NBEA: variants seen among roughly 807,000 people sequenced by gnomAD.
The protein encoded by NBEA is lysosomal-trafficking regulator 2.
Under a neutral mutation model 343.4 loss-of-function variants are expected in NBEA, and 44 were observed. The ratio of observed to expected loss-of-function variants is 0.13; its 90% CI spans 0.10 to 0.16. NBEA has a LOEUF of 0.16. Ranked by LOEUF, NBEA falls within the 10% of genes least tolerant of loss-of-function variation. NBEA has a pLI of 1.00. For synonymous variants in NBEA, 1,175 were observed against 1,238.7 expected (o/e 0.95, Z 1.08); for missense variants, 2,555 against 3,631.3 (o/e 0.70, Z 7.62).
intron 1 of NBEA, among the ~76,000 whole-genome samples, chr13:35,019,229 C>T (rs1189660024): frequency 6.6e-6 from 1 of 151,082 alleles, no homozygotes; most frequent in African/African-American, 2.4e-5. Context: ...AAATGGTTTT[C>T]TGATTTTGTT....
rs59333937 is a variant in NBEA, at chr13:35,631,638, T to TAAAAAAAAAAAAAAAA, written c.7617+3398_7617+3413dup. On this transcript the variant is annotated intron_variant, in intron 49 of 58. Coordinates refer to ENST00000379939, the MANE Select transcript of NBEA (RefSeq NM_001385012.1). ...TGAATATCTATATATGTCTCCTTTG[T>TAAAAAAAAAAAAAAAA]AAAAAAAAAAAAAAAAAAAAAAATT... is the stretch of plus-strand genomic sequence containing the variant. Among the ~76,000 whole-genome samples the TAAAAAAAAAAAAAAAA allele has an allele frequency of 5.5e-4, 70 of 126,430 alleles. 2 individuals are homozygous for TAAAAAAAAAAAAAAAA. The highest frequency in any genetic ancestry group is 2.0e-3 in the African/African-American group (66 of 32,556). The allele number at this position is 126,430 out of a possible 152,430, so 82.9% of individuals were successfully genotyped here.
intron 40 of NBEA, among the ~76,000 whole-genome samples, chr13:35,466,519 G>A (rs975078838): frequency 2.6e-5 from 4 of 152,152 alleles, no homozygotes; most frequent in Non-Finnish European, 5.9e-5. Flanking sequence ...CAGGGCTGGA[G>A]TGCAGTGTCA....
intron 47 of NBEA, among the ~76,000 whole-genome samples, 163 bp from the exon 48 acceptor site, chr13:35,606,263 C>G (rs1235526765): frequency 6.6e-6 from 1 of 151,944 alleles, no homozygotes; most frequent in African/African-American, 2.4e-5. Flanking sequence ...CATCTCAGAT[C>G]TTTAAATAAA....
intron 48 of NBEA, among the ~76,000 whole-genome samples, chr13:35,610,886 G>C (rs1363317638): frequency 6.6e-6 from 1 of 151,728 alleles, no homozygotes; most frequent in East Asian, 1.9e-4. Context: ...TTTTAAAGGA[G>C]GGGCAAAAGA....
At chr13:35,644,653 A>G (rs1464650175) in intron 49 of NBEA, among the ~76,000 whole-genome samples, 1 of 152,208 alleles carries the variant, frequency 6.6e-6, no homozygotes, top group Non-Finnish European at 1.5e-5. Flanking sequence ...TTCATGATAC[A>G]TGAAGCTAGG....
chr13:35,555,728 C>T (rs185918385), intron 44 of NBEA, among the ~76,000 whole-genome samples: 1 of 151,914 alleles, frequency 6.6e-6, no homozygotes, highest in African/African-American at 2.4e-5. Flanking sequence ...CTCCAAAAGC[C>T]CTTATTCATG....
At chr13:35,430,758 G>C (rs995460513) in intron 38 of NBEA, among the ~76,000 whole-genome samples, 1 of 151,526 alleles carries the variant, frequency 6.6e-6, no homozygotes, top group Admixed American at 6.6e-5. Context: ...AATCAATATA[G>C]CATGATTTTA....
At chr13:35,183,124 A>G (rs1420044970) in intron 29 of NBEA, among the ~76,000 whole-genome samples, 1 of 152,002 alleles carries the variant, frequency 6.6e-6, no homozygotes, top group Non-Finnish European at 1.5e-5. Flanking sequence ...ATTTGCAAAA[A>G]ATGCTCATGT....
intron 29 of NBEA, 37 bp downstream of exon 29, chr13:35,182,565 T>C: frequency 6.4e-7 from 1 of 1,557,600 alleles, no homozygotes; most frequent in East Asian, 2.4e-5. Context: ...ATTTTCACCA[T>C]GATGTATCTC....
rs183928541 is a variant in NBEA, at chr13:35,426,659, G to A, written c.6180-5610G>A. On this transcript the variant is annotated intron_variant, in intron 38 of 58. Transcript: ENST00000379939. ...TCTTCTCGAGGAGTATCTTTGTGGC[G>A]GTCTCTGTATTTCCTGAATTTGAAT... Among the ~76,000 whole-genome samples, 1,411 of 152,074 alleles carry A rather than the reference G, an allele frequency of 9.3e-3. 27 individuals carry two copies. Among genetic ancestry groups the A allele is most frequent in the African/African-American group, 0.032 (1,334 of 41,458 alleles).
chr13:34,971,138 T>C (rs1053518986), intron 1 of NBEA, among the ~76,000 whole-genome samples: 3 of 152,110 alleles, frequency 2.0e-5, no homozygotes, highest in Non-Finnish European at 1.5e-5. Flanking sequence ...TTTGTGGCAA[T>C]TGTGAGTGGG....
chr13:35,466,854 A>G (rs999512067), intron 40 of NBEA, among the ~76,000 whole-genome samples: 3 of 152,198 alleles, frequency 2.0e-5, no homozygotes, highest in Non-Finnish European at 4.4e-5. Context: ...ATATAAATAA[A>G]ACAGTCACTA....
intron 10 of NBEA, among the ~76,000 whole-genome samples, chr13:35,076,503 A>T (rs1353305278): frequency 6.6e-6 from 1 of 152,044 alleles, no homozygotes; most frequent in Non-Finnish European, 1.5e-5. Flanking sequence ...TTCTTTTTAA[A>T]TTTAGCGACA....
chr13:35,576,118 T>A (rs939011008), intron 45 of NBEA, among the ~76,000 whole-genome samples: 1 of 151,040 alleles, frequency 6.6e-6, no homozygotes. Context: ...TTTGTTTTGG[T>A]TTGGTTTTTT....
At chr13:35,256,076 G>C (rs1226500277) in intron 34 of NBEA, among the ~76,000 whole-genome samples, 1 of 152,112 alleles carries the variant, frequency 6.6e-6, no homozygotes, top group Non-Finnish European at 1.5e-5. Context: ...CCTCAGCAGA[G>C]AGGAGACCCA....
intron 33 of NBEA, among the ~76,000 whole-genome samples, chr13:35,230,683 T>C (rs2074919209): frequency 6.6e-6 from 1 of 152,072 alleles, no homozygotes. Flanking sequence ...TTGTATTCAC[T>C]AACAGGTAAC....
intron 48 of NBEA, among the ~76,000 whole-genome samples, chr13:35,614,660 A>G (rs1049704476): frequency 3.3e-5 from 5 of 152,206 alleles, no homozygotes; most frequent in Admixed American, 6.5e-5. Context: ...CAACAGATGA[A>G]GTGACAAAAC....
At chr13:34,973,028 G>T (rs1180249921) in intron 1 of NBEA, among the ~76,000 whole-genome samples, 1 of 151,688 alleles carries the variant, frequency 6.6e-6, no homozygotes, top group East Asian at 1.9e-4. Flanking sequence ...TCTTTTAATA[G>T]TCTGGCTGCT....
At chr13:35,666,872 T>C (rs570592785) in intron 56 of NBEA, among the ~76,000 whole-genome samples, 38 of 152,306 alleles carry the variant, frequency 2.5e-4, no homozygotes, top group African/African-American at 9.1e-4. Flanking sequence ...AATACTTAAG[T>C]TTTCTCAATT....
Sources: allele counts gnomAD v4.1 joint callset (sites outside exome capture counted in the v4.1 genomes callset), GRCh38; gene constraint gnomAD v4.1.1; transcripts MANE v1.5; gene names NCBI Gene and HGNC (gene_info 2026-07-23, HGNC 2026-07-21).